The following ARHGEF3 variants were observed in gnomAD, a reference collection of about 807,000 sequenced individuals.
ARHGEF3 encodes the protein 59.8 kDA protein.
A neutral mutation model predicts 63.2 loss-of-function variants in ARHGEF3; 28 were observed. The observed-to-expected ratio is 0.44, with a 90% CI of 0.33 to 0.61. The LOEUF (loss-of-function observed/expected upper bound fraction) is 0.61, where lower values mean the gene tolerates loss of function less well. ARHGEF3 is among the 20% of genes least tolerant of loss of function. ARHGEF3 has a pLI of 0.03. For missense variants in ARHGEF3, 533 were observed against 659.3 expected, an observed-to-expected ratio of 0.81 and a Z score of 2.10; for synonymous variants, 266 against 254.2, an observed-to-expected ratio of 1.05 and a Z score of -0.44.
intron 2 of ARHGEF3, among the ~76,000 whole-genome samples, chr3:57,012,404 GC>G (rs1302475554): frequency 1.3e-5 from 2 of 152,018 alleles, no homozygotes; most frequent in African/African-American, 4.8e-5. Context: ...GATTACTGGT[GC>G]CCGCCATGAC....
Position 57,010,372 on chromosome 3 carries a change from C to T in ARHGEF3, c.62+24716G>A, listed in dbSNP as rs776946045. ...TTGGGAGGCTGAGGCAGGAGAATGG[C>T]GTGAACCCAGGAGGCAGAGCTTGCA... is the stretch of plus-strand genomic sequence containing the variant. On this transcript the variant is annotated intron_variant, in intron 2 of 12. Transcript: ENST00000338458. Among the ~76,000 whole-genome samples the T allele has an allele frequency of 4.0e-5, 6 of 149,008 alleles. No individual in the cohort carries two copies. The East Asian group carries it at 1.0e-3, about 26-fold the overall frequency.
At chr3:56,832,884 A>C (rs1363106659) in intron 4 of ARHGEF3, among the ~76,000 whole-genome samples, 2 of 152,154 alleles carry the variant, frequency 1.3e-5, no homozygotes, top group Admixed American at 1.3e-4. Context: ...ATAACATATG[A>C]CCTTTTGTTT....
At chr3:56,794,872 T>C (rs1578533425) in intron 1 of ARHGEF3, among the ~76,000 whole-genome samples, 2 of 152,268 alleles carry the variant, frequency 1.3e-5, no homozygotes, top group South Asian at 4.1e-4. Context: ...TTCTTTTTTT[T>C]TCTGAGACAG....
At chr3:56,900,474 T>C (rs531371568) in intron 3 of ARHGEF3, among the ~76,000 whole-genome samples, 5 of 152,036 alleles carry the variant, frequency 3.3e-5, no homozygotes, top group African/African-American at 9.6e-5. Flanking sequence ...CCAATCTCTA[T>C]ATATAAATTA....
upstream of ARHGEF3, among the ~76,000 whole-genome samples, chr3:56,803,685 C>A (rs1234056999): frequency 2.0e-5 from 3 of 151,966 alleles, no homozygotes; most frequent in Non-Finnish European, 1.5e-5. Context: ...TGCCTGTAGT[C>A]TCAGCTAATC....
At position 56,923,698 on chromosome 3, in the gene ARHGEF3, T is replaced by C. The variant is rs1031491447; in HGVS notation, c.129+35125A>G. On this transcript the variant is annotated intron_variant, in intron 3 of 12. Coordinates refer to the ARHGEF3 transcript ENST00000338458. ...CAAGAAACCAAGAGATTTAAAAGCA[T>C]GTGTGTCCCATGACTCAGAGTGTTC... Among the ~76,000 whole-genome samples, 6 of 152,294 alleles carry C rather than the reference T, an allele frequency of 3.9e-5. No homozygotes were observed. In the East Asian group the frequency reaches 5.8e-4, roughly 15 times the overall value.
At chr3:56,956,217 GTTTTT>G (rs57803439) in intron 3 of ARHGEF3, among the ~76,000 whole-genome samples, 5 of 149,904 alleles carry the variant, frequency 3.3e-5, no homozygotes, top group East Asian at 2.0e-4. Flanking sequence ...CAGGGTTGGT[GTTTTT>G]TTTTTTTTTG....
chr3:57,038,378 C>G (rs533960493), intron 1 of ARHGEF3, among the ~76,000 whole-genome samples: 2 of 152,266 alleles, frequency 1.3e-5, no homozygotes, highest in African/African-American at 4.8e-5. Flanking sequence ...AGAGGTGATA[C>G]TCTCGGATCC....
chr3:56,870,844 G>A (rs1006768388), intron 4 of ARHGEF3, among the ~76,000 whole-genome samples: 4 of 151,562 alleles, frequency 2.6e-5, no homozygotes, highest in African/African-American at 7.3e-5. Context: ...TCCTCCTTTT[G>A]CTTTCGGAGG....
chr3:57,064,234 A>T (rs1475529960), intron 1 of ARHGEF3, among the ~76,000 whole-genome samples: 1 of 152,226 alleles, frequency 6.6e-6, no homozygotes, highest in Admixed American at 6.5e-5. Context: ...GTGCCACTGC[A>T]GCAATCAGTG....
At chr3:57,062,940 A>G (rs983692894) in intron 1 of ARHGEF3, among the ~76,000 whole-genome samples, 4 of 152,218 alleles carry the variant, frequency 2.6e-5, no homozygotes, top group Non-Finnish European at 5.9e-5. Flanking sequence ...TGGAATTTAC[A>G]TTCTAGTGGG....
chr3:56,882,141 T>G, intron 4 of ARHGEF3: 1 of 675,894 alleles, frequency 1.5e-6, no homozygotes, highest in Non-Finnish European at 2.4e-6. Flanking sequence ...AAATAAAATG[T>G]TTTTCAGTTA....
chr3:57,002,479 T>TATATA (rs1285310560), intron 2 of ARHGEF3, among the ~76,000 whole-genome samples: 4 of 39,462 alleles, frequency 1.0e-4, no homozygotes, highest in Admixed American at 3.5e-4. Context: ...TATATATATG[T>TATATA]TATATATATA....
intron 4 of ARHGEF3, among the ~76,000 whole-genome samples, chr3:56,813,706 A>G (rs2108012150): frequency 6.6e-6 from 1 of 152,348 alleles, no homozygotes; most frequent in East Asian, 1.9e-4. Context: ...AAACTTTATA[A>G]AAACAACCCA....
At chr3:56,729,753 G>C (rs888177932) in intron 9 of ARHGEF3, 131 bp from the exon 10 acceptor site, 11 of 742,022 alleles carry the variant, frequency 1.5e-5, no homozygotes, top group Non-Finnish European at 2.4e-5. Context: ...GTTTCCCACT[G>C]ATCTGGGGCA....
intron 1 of ARHGEF3, among the ~76,000 whole-genome samples, chr3:57,046,027 G>GAA (rs5849185): frequency 6.6e-6 from 1 of 151,984 alleles, no homozygotes; most frequent in Non-Finnish European, 1.5e-5. Flanking sequence ...TCAAAATGCA[G>GAA]AAAAAAATAA....
intron 3 of ARHGEF3, among the ~76,000 whole-genome samples, chr3:56,909,993 C>T (rs2041812289): frequency 6.6e-6 from 1 of 152,182 alleles, no homozygotes; most frequent in Admixed American, 6.5e-5. Flanking sequence ...GTGAGTAGTA[C>T]TGTCCAGAAT....
At chr3:56,822,528 C>T (rs56996157) in intron 4 of ARHGEF3, among the ~76,000 whole-genome samples, 28,467 of 151,508 alleles carry the variant, frequency 0.19, 2,929 homozygotes, top group East Asian at 0.36. Context: ...GTGAAATATA[C>T]ATGTGGAAAA....
chr3:56,830,928 C>A (rs78979007), intron 4 of ARHGEF3, among the ~76,000 whole-genome samples: 1 of 152,196 alleles, frequency 6.6e-6, no homozygotes, highest in Non-Finnish European at 1.5e-5. Context: ...GATCTCATCT[C>A]CCCTGCCACC....
Sources: allele counts gnomAD v4.1 joint callset (sites outside exome capture counted in the v4.1 genomes callset), GRCh38; gene constraint gnomAD v4.1.1; transcripts MANE v1.5; gene names NCBI Gene and HGNC (gene_info 2026-07-23, HGNC 2026-07-21).